The following BCL11B variants were observed in gnomAD, a reference collection of about 807,000 sequenced individuals.
BCL11B encodes BCL11 transcription factor B.
A neutral mutation model predicts 49.9 loss-of-function variants in BCL11B; 8 were observed. The ratio of observed to expected loss-of-function variants is 0.16; its 90% confidence interval spans 0.09 to 0.29. The LOEUF is 0.29. Among genes scored for constraint, BCL11B ranks in the 10% least tolerant of loss-of-function variants. The probability of loss-of-function intolerance (pLI) is 1.00; values close to 1 mark genes in which losing one functional copy is unlikely to be tolerated. For synonymous variants in BCL11B, 739 were observed against 637.4 expected (o/e 1.16, Z -2.40); for missense variants, 1,006 against 1,351.0 (o/e 0.74, Z 4.00).
chr14:99,233,813 A>G (rs1481002198), intron 2 of BCL11B, among the ~76,000 whole-genome samples: 1 of 152,186 alleles, frequency 6.6e-6, no homozygotes, highest in East Asian at 1.9e-4. Flanking sequence ...AGGTTTCCCC[A>G]GAGTCTCATT....
intron 3 of BCL11B, among the ~76,000 whole-genome samples, chr14:99,206,541 G>A (rs2139832492): frequency 6.6e-6 from 1 of 152,296 alleles, no homozygotes; most frequent in East Asian, 1.9e-4. Flanking sequence ...GCATATCCAT[G>A]CTGTAAGACA....
In BCL11B at chr14:99,232,249, T is replaced by G. The variant is rs1436707421; in HGVS notation, c.428-692A>C. On this transcript the variant is annotated intron_variant, in intron 2 of 3. Transcript: ENST00000357195. The surrounding 1 kb of genome is among the most constrained non-coding windows in gnomAD (Gnocchi z 5.1). Reference sequence around the variant, plus strand: ...CCCCCTCCTAACGTCTCGGCCTGGCTTGGGAGGCCTCCCGCCATGTGACAG... The same window carrying G: ...CCCCCTCCTAACGTCTCGGCCTGGCGTGGGAGGCCTCCCGCCATGTGACAG... Among the ~76,000 whole-genome samples, 1 of 151,994 alleles carries G rather than the reference T, an allele frequency of 6.6e-6. No homozygotes were observed. Among genetic ancestry groups the G allele is most frequent in the Non-Finnish European group, 1.5e-5 (1 of 67,976 alleles).
In BCL11B at chr14:99,200,028, C is replaced by A. The variant is rs898232151; in HGVS notation, c.641-23833G>T. 2.6e-5 allele frequency among the ~76,000 whole-genome samples: 4 copies of A among 151,628 alleles called. No homozygotes were observed. In the East Asian group the frequency reaches 5.8e-4, roughly 22 times the overall value. On this transcript the variant is annotated intron_variant, in intron 3 of 3. Coordinates refer to ENST00000357195, the MANE Select transcript of BCL11B (RefSeq NM_138576.4). ...AATCCCAAGATATGAGAGTCTATTTCTTGTGAAAGAGCTCCCCCTGACTTC... is the reference window on the plus strand; with the variant it reads ...AATCCCAAGATATGAGAGTCTATTTATTGTGAAAGAGCTCCCCCTGACTTC...
At chr14:99,182,401 T>G (rs913722402) in intron 3 of BCL11B, among the ~76,000 whole-genome samples, 9 of 152,160 alleles carry the variant, frequency 5.9e-5, no homozygotes, top group African/African-American at 1.9e-4. Flanking sequence ...TGATAAACGC[T>G]GGGTCAGAAG....
In BCL11B at chr14:99,184,793, C is replaced by T. The variant is rs149351226; in HGVS notation, c.641-8598G>A. Among the ~76,000 whole-genome samples the T allele has an allele frequency of 3.1e-3, 476 of 152,334 alleles. 13 individuals carry two copies. Among genetic ancestry groups the T allele is most frequent in the Admixed American group, 0.028 (426 of 15,308 alleles). Reference sequence around the variant, plus strand: ...GAAATGGCCCAGAAGAAAGAGGCTGCACACAGCGAGAAAACCTCGCTCACC... The same window carrying T: ...GAAATGGCCCAGAAGAAAGAGGCTGTACACAGCGAGAAAACCTCGCTCACC... On this transcript the variant is annotated intron_variant, in intron 3 of 3. Transcript: ENST00000357195. The surrounding 1 kb of genome is among the most constrained non-coding windows in gnomAD (Gnocchi z 6.1).
chr14:99,234,855 CAAAAAAAAAAAAAA>C (rs34831762), intron 2 of BCL11B, among the ~76,000 whole-genome samples: 12 of 66,638 alleles, frequency 1.8e-4, no homozygotes, highest in African/African-American at 4.9e-4. Flanking sequence ...GGTCTATGCA[CAAAAAAAAAAAAAA>C]AAAAAAAAAA....
At chr14:99,254,431 C>T (rs12890254) in intron 2 of BCL11B, among the ~76,000 whole-genome samples, 79 of 152,196 alleles carry the variant, frequency 5.2e-4, no homozygotes, top group Non-Finnish European at 7.8e-4. Flanking sequence ...CCTCTGGAGT[C>T]CCCACTTCTA....
chr14:99,184,603 TG>T lies in BCL11B; in HGVS notation c.641-8409del, dbSNP rs11352224. On this transcript the variant is annotated intron_variant, in intron 3 of 3. Transcript: ENST00000357195. This position sits in a 1 kb window ranked among gnomAD's most constrained non-coding sequence, Gnocchi z 6.1. ...GTCCGTCTGACCCCAGAGCGTGTGC[TG>T]GGGTCCAGACTCACAACTGGCTGCC... Among the ~76,000 whole-genome samples the T allele has an allele frequency of 0.17, 25,461 of 152,132 alleles. 2,748 individuals are homozygous for T. The highest frequency in any genetic ancestry group is 0.31 in the African/African-American group (12,825 of 41,468).
chr14:99,200,141 A>G (rs984173504), intron 3 of BCL11B, among the ~76,000 whole-genome samples: 1 of 151,872 alleles, frequency 6.6e-6, no homozygotes, highest in African/African-American at 2.4e-5. Context: ...ATTGACACAC[A>G]TCACGGGTGC....
intron 3 of BCL11B, among the ~76,000 whole-genome samples, chr14:99,223,554 G>A (rs940373812): frequency 2.6e-5 from 4 of 152,154 alleles, no homozygotes; most frequent in Non-Finnish European, 4.4e-5. Context: ...TTAATACGGC[G>A]CTGCTCCATG....
In BCL11B at chr14:99,192,171, C is replaced by G. The variant is rs1263097090; in HGVS notation, c.641-15976G>C. On this transcript the variant is annotated intron_variant, in intron 3 of 3. Transcript: ENST00000357195. The surrounding 1 kb of genome is among the most constrained non-coding windows in gnomAD (Gnocchi z 4.0). Reference sequence around the variant, plus strand: ...TTTCCTCTATTTGCAGCAGTGCTGGCTCCACTGGACGGAATGCGTGTGTTT... The same window carrying G: ...TTTCCTCTATTTGCAGCAGTGCTGGGTCCACTGGACGGAATGCGTGTGTTT... 6.6e-6 allele frequency among the ~76,000 whole-genome samples: 1 copy of G among 152,206 alleles called. No homozygotes were observed. Among genetic ancestry groups the G allele is most frequent in the Non-Finnish European group, 1.5e-5 (1 of 68,036 alleles).
At chr14:99,271,078 G>A in intron 1 of BCL11B, 83 bp downstream of exon 1, 2 of 1,392,940 alleles carry the variant, frequency 1.4e-6, no homozygotes, top group Non-Finnish European at 1.9e-6. Context: ...GGCCAGGCTC[G>A]GCTGTTCCGG....
chr14:99,199,821 G>A (rs1339861777), intron 3 of BCL11B, among the ~76,000 whole-genome samples: 1 of 151,966 alleles, frequency 6.6e-6, no homozygotes, highest in East Asian at 1.9e-4. Context: ...CATGCCACTG[G>A]CCCACAATTA....
At chr14:99,222,263 A>G (rs1888032035) in intron 3 of BCL11B, among the ~76,000 whole-genome samples, 1 of 31,682 alleles carries the variant, frequency 3.2e-5, no homozygotes, top group African/African-American at 1.4e-4. Flanking sequence ...CAGTGGGGGA[A>G]AAAAAATGGA....
At chr14:99,246,502 G>T (rs1479052177) in intron 2 of BCL11B, among the ~76,000 whole-genome samples, 3 of 152,222 alleles carry the variant, frequency 2.0e-5, no homozygotes, top group Non-Finnish European at 4.4e-5. Flanking sequence ...TCCCGACCCG[G>T]CCAGGGCCAG....
At chr14:99,203,481 C>T (rs1887444451) in intron 3 of BCL11B, among the ~76,000 whole-genome samples, 1 of 152,256 alleles carries the variant, frequency 6.6e-6, no homozygotes, top group East Asian at 1.9e-4. Context: ...AGGAAAGGTG[C>T]ACCACGTTCC....
intron 3 of BCL11B, among the ~76,000 whole-genome samples, chr14:99,182,775 C>G (rs1431502051): frequency 6.6e-6 from 1 of 152,194 alleles, no homozygotes; most frequent in Non-Finnish European, 1.5e-5. Flanking sequence ...CATCCCCGCA[C>G]TCTCCCTCCA....
chr14:99,175,185 G>A lies in BCL11B; in HGVS notation c.1651C>T (p.Arg551Trp). 1 of 1,571,822 alleles carries A rather than the reference G, an allele frequency of 6.4e-7. No individual in the cohort carries two copies. ...EEELLLENESRPESSFSMDSE... is the reference protein window; with the variant it reads ...EEELLLENESWPESSFSMDSE... ...TCCATGCTGAAGCTCGACTCGGGCCGGCTCTCGTTCTCCAGTAGCAGCTCC... is the reference window on the plus strand; with the variant it reads ...TCCATGCTGAAGCTCGACTCGGGCCAGCTCTCGTTCTCCAGTAGCAGCTCC... The change falls in exon 4 of 4, where the codon CGG (arginine) becomes TGG (tryptophan). Residue 551 changes from arginine to tryptophan, a missense_variant. Transcript: ENST00000357195.
rs895104538 is a variant in BCL11B, at chr14:99,175,552, C to G, written c.1284G>C (p.Ser428=). Residue 428 remains serine, a synonymous_variant, in exon 4 of 4, where the codon TCG becomes TCC. Transcript: ENST00000357195. ...TGAAGGTCTTGCCGCAGAACTCGCA[C>G]GACTTGCTCTTGGCTGGCGGCTGCG... ...PPPQPPAKSK[S]CEFCGKTFKF... is the part of the protein sequence containing the mutation. 12 of 1,600,332 alleles carry G rather than the reference C, an allele frequency of 7.5e-6. No individual in the cohort carries two copies. The highest frequency in any genetic ancestry group is 1.0e-5 in the Non-Finnish European group (12 of 1,172,636).
Sources: gnomAD v4.1 joint callset for allele counts (sites outside exome capture counted in the v4.1 genomes callset) on GRCh38, gnomAD v4.1.1 for gene constraint, Gnocchi (gnomAD v3.1) non-coding constraint, MANE v1.5 for transcripts, NCBI Gene and HGNC (gene_info 2026-07-23, HGNC 2026-07-21) for gene names.